The following GIMAP6 variants were observed in gnomAD, a reference collection of about 807,000 sequenced individuals.
The protein encoded by GIMAP6 is GTPase, IMAP family member 6.
Under a neutral mutation model 9.3 loss-of-function variants are expected in GIMAP6, and 6 were observed. That is an observed-to-expected ratio of 0.65 (90% CI 0.35 to 1.27). The LOEUF (loss-of-function observed/expected upper bound fraction) is 1.27, where lower values mean the gene tolerates loss of function less well. Among genes scored for constraint, GIMAP6 ranks in the 50% most tolerant of loss-of-function variants. GIMAP6 has a pLI of 0.03. For synonymous variants in GIMAP6, 156 were observed against 151.1 expected (o/e 1.03, Z -0.24); for missense variants, 333 against 359.5 (o/e 0.93, Z 0.60).
At chr7:150,631,636 T>C (rs1270477595) in intron 1 of GIMAP6, among the ~76,000 whole-genome samples, 1 of 152,186 alleles carries the variant, frequency 6.6e-6, no homozygotes. Flanking sequence ...GTTCGGGGAA[T>C]GGGTCTGCAC....
chr7:150,631,810 TA>T (rs1297054301), intron 1 of GIMAP6, among the ~76,000 whole-genome samples: 1 of 152,160 alleles, frequency 6.6e-6, no homozygotes, highest in Non-Finnish European at 1.5e-5. Flanking sequence ...TGCCAAATAT[TA>T]AACAGTGACT....
chr7:150,627,482 C>T lies in GIMAP6; in HGVS notation c.*237G>A, dbSNP rs10235151. The T allele has an allele frequency of 0.3, 177,963 of 587,078 alleles. 27,375 individuals carry two copies. Among genetic ancestry groups the T allele is most frequent in the East Asian group, 0.33 (11,379 of 34,764 alleles). The allele number at this position is 587,078 out of a possible 1,614,324, so 36.4% of individuals were successfully genotyped here. ...GATAGAAGGTCCAATAGGAAGACAG[C>T]GTGCTGTTGGGGCACAGAGGAGGGA... On this transcript the variant is annotated 3_prime_UTR_variant, in exon 3 of 3. Transcript: ENST00000328902.
intron 2 of GIMAP6, among the ~76,000 whole-genome samples, chr7:150,629,567 C>T (rs1796357252): frequency 1.3e-5 from 2 of 152,128 alleles, no homozygotes; most frequent in South Asian, 4.1e-4. Context: ...GAAAGGGACG[C>T]CCTCGATAAG....
intron 2 of GIMAP6, among the ~76,000 whole-genome samples, chr7:150,629,631 G>A (rs776610676): frequency 5.9e-5 from 9 of 152,092 alleles, no homozygotes; most frequent in South Asian, 2.1e-4. Flanking sequence ...TGCACAAGGC[G>A]CTTTCAAACT....
At chr7:150,628,689 G>A (rs535635441) in intron 2 of GIMAP6, 177 bp from the exon 3 acceptor site, 2 of 1,544,142 alleles carry the variant, frequency 1.3e-6, no homozygotes, top group African/African-American at 1.4e-5. Context: ...TTGAAGGTGG[G>A]GCTGAACGTT....
chr7:150,630,361 C>T (rs1796371811), intron 1 of GIMAP6, among the ~76,000 whole-genome samples: 1 of 152,072 alleles, frequency 6.6e-6, no homozygotes, highest in Non-Finnish European at 1.5e-5. Flanking sequence ...CCCTCGCCCC[C>T]TTCATTGTGG....
At position 150,627,560 on chromosome 7, in the gene GIMAP6, A is replaced by G; in HGVS notation, c.*159T>C. On this transcript the variant is annotated 3_prime_UTR_variant, in exon 3 of 3. Transcript: ENST00000328902. ...GAAGGAACTGGAATGTGATCTGGGC[A>G]TGCTGGACCCTGTCCTCAAGCCCCA... The G allele has an allele frequency of 1.3e-6, 1 of 799,444 alleles. No homozygotes were observed. Among genetic ancestry groups the G allele is most frequent in the Middle Eastern group, 2.3e-4 (1 of 4,398 alleles). The allele number at this position is 799,444 out of a possible 1,614,324, so 49.5% of individuals were successfully genotyped here. A position where few individuals can be genotyped will look rare whatever the true frequency, so the allele number is the denominator to read the frequency against.
At position 150,625,889 on chromosome 7, in the gene GIMAP6, G is replaced by T. The variant is rs181103905; in HGVS notation, c.*1830C>A. Reference sequence around the variant, plus strand: ...AGTAGAAAAGTAGAAGACATGAACAGAAATAAAAATTCTGACCAAATCTTA... The same window carrying T: ...AGTAGAAAAGTAGAAGACATGAACATAAATAAAAATTCTGACCAAATCTTA... On this transcript the variant is annotated 3_prime_UTR_variant, in exon 3 of 3. Transcript: ENST00000328902. The T allele has an allele frequency of 2.0e-5, 3 of 152,124 alleles. No individual in the cohort carries two copies. The highest frequency in any genetic ancestry group is 2.1e-4 in the South Asian group (1 of 4,832). 9.4% of individuals were successfully genotyped at this position (152,124 alleles called of 1,614,324 possible). A position where few individuals can be genotyped will look rare whatever the true frequency, so the allele number is the denominator to read the frequency against.
intron 2 of GIMAP6, 47 bp downstream of exon 2, chr7:150,630,010 TG>T: frequency 7.9e-7 from 1 of 1,261,010 alleles, no homozygotes; most frequent in Non-Finnish European, 1.1e-6. Context: ...GTGTCCCACC[TG>T]CACCCCAAAT....
chr7:150,628,268 G>C lies in GIMAP6; in HGVS notation c.330C>G (p.Asp110Glu). The change falls in exon 3 of 3, where the codon GAC becomes GAG. Residue 110 changes from aspartate (D) to glutamate (E), a missense_variant. Coordinates refer to ENST00000328902, the MANE Select transcript of GIMAP6 (RefSeq NM_024711.6). ...LSPQVSPEVADAICQAIVLSA... is the reference protein window; with the variant it reads ...LSPQVSPEVAEAICQAIVLSA... Reference sequence around the variant, plus strand: ...ATAAGACGATGGCTTGGCAGATAGCGTCTGCCACCTCTGGCGAGACCTGGG... The same window carrying C: ...ATAAGACGATGGCTTGGCAGATAGCCTCTGCCACCTCTGGCGAGACCTGGG... The C allele has an allele frequency of 6.2e-7, 1 of 1,614,120 alleles. No individual in the cohort carries two copies. Among genetic ancestry groups the C allele is most frequent in the Non-Finnish European group, 8.5e-7 (1 of 1,179,976 alleles).
Position 150,627,649 on chromosome 7 carries a change from G to A in GIMAP6, c.*70C>T. 6.3e-7 allele frequency: 1 copy of A among 1,592,036 alleles called. No individual in the cohort carries two copies. The highest frequency in any genetic ancestry group is 8.6e-7 in the Non-Finnish European group (1 of 1,161,526). On this transcript the variant is annotated 3_prime_UTR_variant, in exon 3 of 3. Transcript: ENST00000328902. ...TGGGAAGCACTCCATGGGATGGAAA[G>A]AGAAACAGAGGGCTGGACACAGGGG... is the stretch of plus-strand genomic sequence containing the variant.
Position 150,628,183 on chromosome 7 carries a change from C to A in GIMAP6, c.415G>T (p.Asp139Tyr), listed in dbSNP as rs773075886. Reference sequence around the variant, plus strand: ...TGCAGGCGCCTGACCACCTGCTGATCCTCATCCGTGAACCGGCCCAGTTGT... The same window carrying A: ...TGCAGGCGCCTGACCACCTGCTGATACTCATCCGTGAACCGGCCCAGTTGT... ...VTQLGRFTDEDQQVVRRLQEV... is the reference protein window; with the variant it reads ...VTQLGRFTDEYQQVVRRLQEV... The change falls in exon 3 of 3, where the codon GAT (aspartate) becomes TAT (tyrosine). Residue 139 changes from aspartate to tyrosine, a missense_variant. Physicochemically the swap from Asp to Tyr is radical, Grantham distance 160. Coordinates refer to ENST00000328902, the MANE Select transcript of GIMAP6 (RefSeq NM_024711.6). 10 of 1,614,216 alleles carry A rather than the reference C, an allele frequency of 6.2e-6. No individual in the cohort carries two copies. Among genetic ancestry groups the A allele is most frequent in the Non-Finnish European group, 8.5e-6 (10 of 1,180,022 alleles).
chr7:150,625,497 A>G lies in GIMAP6; in HGVS notation c.*2222T>C, dbSNP rs1192390471. 1 of 152,228 alleles carries G rather than the reference A, an allele frequency of 6.6e-6. No individual in the cohort carries two copies. The highest frequency in any genetic ancestry group is 6.5e-5 in the Admixed American group (1 of 15,280). 9.4% of individuals were successfully genotyped at this position (152,228 alleles called of 1,614,324 possible). On this transcript the variant is annotated 3_prime_UTR_variant, in exon 3 of 3. Transcript: ENST00000328902. ...TTCTATTATGACATTACTTAAGCTA[A>G]TAGAGTTAAAATAATAGCATCAAAA...
At position 150,626,345 on chromosome 7, in the gene GIMAP6, G is replaced by A. The variant is rs773485515; in HGVS notation, c.*1374C>T. Reference sequence around the variant, plus strand: ...TACGCAGCTTGAAGAAAGGAAAAGAGGAATATATTGGGGAGCAGTTTCCCC... The same window carrying A: ...TACGCAGCTTGAAGAAAGGAAAAGAAGAATATATTGGGGAGCAGTTTCCCC... On this transcript the variant is annotated 3_prime_UTR_variant, in exon 3 of 3. Transcript: ENST00000328902. 9.2e-5 allele frequency: 14 copies of A among 152,248 alleles called. No individual in the cohort carries two copies. The highest frequency in any genetic ancestry group is 1.5e-4 in the Non-Finnish European group (10 of 68,080). 9.4% of individuals were successfully genotyped at this position (152,248 alleles called of 1,614,324 possible).
Position 150,625,669 on chromosome 7 carries a change from T to A in GIMAP6, c.*2050A>T, listed in dbSNP as rs1394624272. ...ACTACCAATTCCCTCAAACTTAACA[T>A]AAATGTAAGACATTGCCAACTAGAA... On this transcript the variant is annotated 3_prime_UTR_variant, in exon 3 of 3. Transcript: ENST00000328902. The A allele has an allele frequency of 6.6e-6, 1 of 152,110 alleles. No homozygotes were observed. The highest frequency in any genetic ancestry group is 1.5e-5 in the Non-Finnish European group (1 of 68,016). 9.4% of individuals were successfully genotyped at this position (152,110 alleles called of 1,614,324 possible).
chr7:150,631,645 A>C (rs1332968109), intron 1 of GIMAP6, among the ~76,000 whole-genome samples: 1 of 152,162 alleles, frequency 6.6e-6, no homozygotes, highest in Non-Finnish European at 1.5e-5. Flanking sequence ...ATGGGTCTGC[A>C]CGCAAGGCAC....
rs11762727 is a variant in GIMAP6 at position 150,627,069 on chromosome 7, G to A, written c.*650C>T. 0.12 allele frequency: 18,717 copies of A among 152,792 alleles called. 1,386 individuals carry two copies. The highest frequency in any genetic ancestry group is 0.2 in the East Asian group (1,035 of 5,156). The allele number at this position is 152,792 out of a possible 1,614,324, so 9.5% of individuals were successfully genotyped here. ...AAACTTCTCCCATCATTCCCACTAG[G>A]AAGTTCCAACGGGGCTTGTTTGTTA... On this transcript the variant is annotated 3_prime_UTR_variant, in exon 3 of 3. Transcript: ENST00000328902.
intron 1 of GIMAP6, among the ~76,000 whole-genome samples, chr7:150,630,983 C>T (rs1796383177): frequency 6.6e-6 from 1 of 152,134 alleles, no homozygotes; most frequent in Non-Finnish European, 1.5e-5. Context: ...GTTCTCTGTG[C>T]CAAGATCCCA....
At chr7:150,629,803 G>A (rs1214089347) in intron 2 of GIMAP6, among the ~76,000 whole-genome samples, 3 of 152,226 alleles carry the variant, frequency 2.0e-5, no homozygotes, top group South Asian at 2.1e-4. Context: ...CTTTGGGACT[G>A]GCATGGTGAT....
Sources: gnomAD v4.1 joint callset for allele counts (sites outside exome capture counted in the v4.1 genomes callset) on GRCh38, gnomAD v4.1.1 for gene constraint, MANE v1.5 for transcripts, NCBI Gene and HGNC (gene_info 2026-07-23, HGNC 2026-07-21) for gene names.